Variants in PDE8B observed in about 807,000 individuals in gnomAD.
PDE8B encodes high affinity cAMP-specific and IBMX-insensitive 3',5'-cyclic phosphodiesterase 8B.
A neutral mutation model predicts 101.3 loss-of-function variants in PDE8B; 26 were observed. That is an observed-to-expected ratio of 0.26 (90% CI 0.19 to 0.36). The LOEUF is 0.36. Among genes scored for constraint, PDE8B ranks in the 10% least tolerant of loss-of-function variants. PDE8B has a pLI of 1.00. For missense variants in PDE8B, 810 were observed against 1,163.1 expected (o/e 0.70, Z 4.42); for synonymous variants, 424 against 429.3 (o/e 0.99, Z 0.15).
At chr5:77,143,677 A>G in the PDE8B span, among the ~76,000 whole-genome samples, 2 of 152,134 alleles carry the variant, frequency 1.3e-5, no homozygotes, top group African/African-American at 4.8e-5. Flanking sequence ...CTATAAAACG[A>G]TGTTACATTA....
chr5:77,378,975 AACTAG>A (rs1435389506), intron 10 of PDE8B, among the ~76,000 whole-genome samples: 1 of 151,402 alleles, frequency 6.6e-6, no homozygotes, highest in Non-Finnish European at 1.5e-5. Context: ...ATTAGAGAGA[AACTAG>A]ACAAGAGAAA....
At chr5:77,414,800 C>T (rs897601037) in intron 17 of PDE8B, among the ~76,000 whole-genome samples, 5 of 151,884 alleles carry the variant, frequency 3.3e-5, no homozygotes, top group Non-Finnish European at 7.4e-5. Context: ...AGAACAGCAC[C>T]CAATTCATTA....
intron 20 of PDE8B, among the ~76,000 whole-genome samples, chr5:77,422,420 A>G (rs975619615): frequency 6.6e-6 from 1 of 152,216 alleles, no homozygotes; most frequent in Admixed American, 6.5e-5. Context: ...TTAGTAAAAA[A>G]TGAAGTGTAT....
intron 1 of PDE8B, among the ~76,000 whole-genome samples, chr5:77,225,340 G>A (rs1050865763): frequency 6.6e-5 from 10 of 152,172 alleles, no homozygotes; most frequent in Non-Finnish European, 1.5e-4. Flanking sequence ...ATAAATATTA[G>A]ATGTGTCATA....
At chr5:77,412,040 C>G in intron 15 of PDE8B, 60 bp from the exon 16 acceptor site, 1 of 1,569,494 alleles carries the variant, frequency 6.4e-7, no homozygotes, top group Admixed American at 1.7e-5. Context: ...TGATGACAGA[C>G]ACCCGGGCAC....
At chr5:77,413,362 ACTTAAT>A in intron 17 of PDE8B, 53 bp downstream of exon 17, 1 of 1,488,594 alleles carries the variant, frequency 6.7e-7, no homozygotes. Context: ...AGATCCAAGA[ACTTAAT>A]CTTAGTAAAT....
At chr5:77,408,216 G>C (rs530970332) in intron 13 of PDE8B, among the ~76,000 whole-genome samples, 1 of 152,324 alleles carries the variant, frequency 6.6e-6, no homozygotes, top group African/African-American at 2.4e-5. Context: ...TATATTGCCA[G>C]GGTAGGGAGA....
chr5:77,316,079 A>G (rs1183518943), intron 2 of PDE8B, among the ~76,000 whole-genome samples: 2 of 151,510 alleles, frequency 1.3e-5, no homozygotes, highest in Non-Finnish European at 2.9e-5. Context: ...GTGAATACTG[A>G]TATAGTTTTA....
intron 1 of PDE8B, among the ~76,000 whole-genome samples, chr5:77,264,230 A>C (rs1761215886): frequency 1.3e-5 from 2 of 152,266 alleles, no homozygotes; most frequent in Admixed American, 6.5e-5. Context: ...TAATATGAAC[A>C]ATCATGTACA....
intron 1 of PDE8B, among the ~76,000 whole-genome samples, chr5:77,230,696 C>G (rs1001590643): frequency 1.3e-5 from 2 of 152,098 alleles, no homozygotes; most frequent in South Asian, 4.1e-4. Flanking sequence ...GTGATCCACC[C>G]GCCATCTCAA....
the PDE8B span, among the ~76,000 whole-genome samples, chr5:77,128,904 A>G: frequency 5.3e-5 from 8 of 152,168 alleles, no homozygotes; most frequent in South Asian, 2.1e-4. Context: ...TCACAAGTCC[A>G]TTTCTCAGTG....
chr5:77,354,992 G>A (rs1463735336), intron 10 of PDE8B, among the ~76,000 whole-genome samples: 1 of 152,212 alleles, frequency 6.6e-6, no homozygotes, highest in South Asian at 2.1e-4. Context: ...CTCTAGCAGG[G>A]CCACTGGTCT....
At chr5:77,229,707 G>A (rs1414265122) in intron 1 of PDE8B, among the ~76,000 whole-genome samples, 1 of 152,124 alleles carries the variant, frequency 6.6e-6, no homozygotes, top group Non-Finnish European at 1.5e-5. Context: ...TAGGGTTTGT[G>A]TCTGGCTTCT....
intron 1 of PDE8B, among the ~76,000 whole-genome samples, chr5:77,227,396 C>T (rs1015183431): frequency 1.3e-5 from 2 of 152,156 alleles, no homozygotes; most frequent in African/African-American, 4.8e-5. Flanking sequence ...GAGATCATAC[C>T]TCTAAATACC....
chr5:77,289,349 A>G (rs1766760799), intron 1 of PDE8B, among the ~76,000 whole-genome samples: 1 of 152,214 alleles, frequency 6.6e-6, no homozygotes, highest in Non-Finnish European at 1.5e-5. Context: ...TCTTAAGCAC[A>G]TGGTATATAT....
chr5:77,420,994 T>G (rs1013613785), intron 19 of PDE8B, among the ~76,000 whole-genome samples: 1 of 152,302 alleles, frequency 6.6e-6, no homozygotes, highest in South Asian at 2.1e-4. Context: ...GAGACCTAAT[T>G]GTTTTTACAC....
chr5:77,301,652 G>A (rs1037344757), intron 1 of PDE8B, among the ~76,000 whole-genome samples: 3 of 152,220 alleles, frequency 2.0e-5, no homozygotes, highest in African/African-American at 7.2e-5. Flanking sequence ...CTAATAAAAG[G>A]AAGGAAGTCA....
chr5:77,320,056 A>G (rs952517378), intron 2 of PDE8B, among the ~76,000 whole-genome samples: 28 of 152,330 alleles, frequency 1.8e-4, no homozygotes, highest in African/African-American at 6.7e-4. Flanking sequence ...AATTTTCAGT[A>G]TGTTGACACA....
the PDE8B span, among the ~76,000 whole-genome samples, chr5:77,123,185 T>G: frequency 1.3e-5 from 2 of 151,938 alleles, no homozygotes; most frequent in Admixed American, 1.3e-4. Flanking sequence ...TGGAGGGCCT[T>G]CCTATTGGTA....
Sources: allele counts gnomAD v4.1 joint callset (sites outside exome capture counted in the v4.1 genomes callset), GRCh38; gene constraint gnomAD v4.1.1; transcripts MANE v1.5; gene names NCBI Gene and HGNC (gene_info 2026-07-23, HGNC 2026-07-21).